KCNAB1: variants seen among roughly 807,000 people sequenced by gnomAD.
KCNAB1 encodes voltage-gated potassium channel subunit beta-1.
In KCNAB1, 35 loss-of-function variants were observed where a neutral mutation model predicts 64.6. The observed-to-expected ratio is 0.54, with a 90% CI of 0.41 to 0.72. KCNAB1 has a LOEUF of 0.72. Ranked by LOEUF, KCNAB1 falls within the 30% of genes least tolerant of loss-of-function variation. The pLI is 0.00. For synonymous variants in KCNAB1, 177 were observed against 183.8 expected (o/e 0.96, Z 0.30); for missense variants, 401 against 512.9 (o/e 0.78, Z 2.11).
At chr3:156,384,581 T>C (rs191267152) in intron 1 of KCNAB1, among the ~76,000 whole-genome samples, 2 of 152,170 alleles carry the variant, frequency 1.3e-5, no homozygotes, top group East Asian at 1.9e-4. Context: ...GAACATGAGA[T>C]ATGAGTAGAA....
intron 1 of KCNAB1, among the ~76,000 whole-genome samples, chr3:156,258,479 G>C (rs1718233823): frequency 6.6e-6 from 1 of 152,146 alleles, no homozygotes; most frequent in Non-Finnish European, 1.5e-5. Context: ...TGGGCTGCCT[G>C]ATATGCTGTT....
chr3:156,291,129 C>A (rs1720378715), intron 1 of KCNAB1: 28 of 985,428 alleles, frequency 2.8e-5, no homozygotes, highest in Non-Finnish European at 3.3e-5. Context: ...CAGCAAGAGC[C>A]TGGTGCAAGT....
intron 1 of KCNAB1, among the ~76,000 whole-genome samples, chr3:156,182,797 C>G (rs1208154045): frequency 2.7e-5 from 4 of 150,914 alleles, no homozygotes; most frequent in African/African-American, 9.7e-5. Flanking sequence ...CTCCCAGGTT[C>G]AAGTGATTAG....
chr3:156,146,118 C>T (rs62286167), intron 1 of KCNAB1, among the ~76,000 whole-genome samples: 11,505 of 151,858 alleles, frequency 0.076, 534 homozygotes, highest in East Asian at 0.17. Flanking sequence ...ATGGAGACTT[C>T]GTTTTATTTC....
intron 1 of KCNAB1, among the ~76,000 whole-genome samples, chr3:156,264,638 G>A (rs915302392): frequency 5.3e-5 from 8 of 151,822 alleles, no homozygotes; most frequent in South Asian, 2.1e-4. Flanking sequence ...TAGAAACTTC[G>A]CTCCAATATA....
intron 1 of KCNAB1, among the ~76,000 whole-genome samples, chr3:156,200,523 G>C (rs1714260730): frequency 6.6e-6 from 1 of 152,242 alleles, no homozygotes; most frequent in Admixed American, 6.5e-5. Context: ...CCTTCCCAGT[G>C]AGAAGGAATC....
intron 2 of KCNAB1, 81 bp downstream of exon 2, chr3:156,421,740 G>T: frequency 8.0e-7 from 1 of 1,246,344 alleles, no homozygotes; most frequent in Non-Finnish European, 1.2e-6. Context: ...TGTGGTCTAG[G>T]CCAGGACCTG....
At chr3:156,318,413 A>G (rs529946355) in intron 1 of KCNAB1, among the ~76,000 whole-genome samples, 40 of 152,304 alleles carry the variant, frequency 2.6e-4, no homozygotes, top group African/African-American at 8.7e-4. Context: ...AGCAGACCAC[A>G]TGCCCTATCC....
intron 2 of KCNAB1, among the ~76,000 whole-genome samples, chr3:156,442,568 T>G (rs187953725): frequency 6.6e-6 from 1 of 152,312 alleles, no homozygotes; most frequent in Admixed American, 6.5e-5. Context: ...TCTATAAGCA[T>G]CATGAGGAAC....
In KCNAB1 at chr3:156,162,052, A is replaced by G. The variant is rs149793318; in HGVS notation, c.275+41166A>G. 1.1e-4 allele frequency among the ~76,000 whole-genome samples: 17 copies of G among 152,330 alleles called. No individual in the cohort carries two copies. The East Asian group carries it at 3.3e-3, about 29-fold the overall frequency. ...ATTTTTTGGTCTTGATATTGAAAGCATTCTAAGAATTCACAAGACTTTAGA... is the reference window on the plus strand; with the variant it reads ...ATTTTTTGGTCTTGATATTGAAAGCGTTCTAAGAATTCACAAGACTTTAGA... On this transcript the variant is annotated intron_variant, in intron 1 of 13. Coordinates refer to ENST00000490337, the MANE Select transcript of KCNAB1 (RefSeq NM_172160.3).
intron 1 of KCNAB1, among the ~76,000 whole-genome samples, chr3:156,310,935 T>A (rs1252575321): frequency 6.6e-6 from 1 of 152,176 alleles, no homozygotes; most frequent in East Asian, 1.9e-4. Flanking sequence ...AGGGCCCAGA[T>A]GTGGGGAGGA....
intron 1 of KCNAB1, among the ~76,000 whole-genome samples, chr3:156,198,602 G>A (rs1345993676): frequency 7.0e-6 from 1 of 143,580 alleles, no homozygotes; most frequent in African/African-American, 2.6e-5. Context: ...CAGAGACTAC[G>A]ATTGCAAACC....
At chr3:156,377,007 C>T (rs904595517) in intron 1 of KCNAB1, among the ~76,000 whole-genome samples, 1 of 151,994 alleles carries the variant, frequency 6.6e-6, no homozygotes, top group East Asian at 1.9e-4. Context: ...AATAATTAAC[C>T]ATTGGTTTTC....
intron 1 of KCNAB1, among the ~76,000 whole-genome samples, chr3:156,207,616 C>T (rs544990234): frequency 6.2e-4 from 95 of 152,160 alleles, no homozygotes; most frequent in African/African-American, 2.0e-3. Context: ...ACTTTTATGC[C>T]GCTACATGAA....
At position 156,170,712 on chromosome 3, in the gene KCNAB1, C is replaced by T. The variant is rs572383523; in HGVS notation, c.275+49826C>T. Among the ~76,000 whole-genome samples the T allele has an allele frequency of 2.6e-5, 4 of 152,228 alleles. No individual in the cohort carries two copies. The South Asian group carries it at 6.2e-4, about 24-fold the overall frequency. On this transcript the variant is annotated intron_variant, in intron 1 of 13. Transcript: ENST00000490337. The stretch of plus-strand genomic sequence containing the variant: ...CATGCTCCAGTTAGCCATAATGCTC[C>T]CAACTTCTGTCTCATGTCATTACTT...
intron 1 of KCNAB1, among the ~76,000 whole-genome samples, chr3:156,385,299 T>TGGCCCCCAC (rs1712503746): frequency 6.6e-6 from 1 of 152,174 alleles, no homozygotes; most frequent in Non-Finnish European, 1.5e-5. Context: ...ACAGTCTCCA[T>TGGCCCCCAC]GGCCCCCACT....
intron 1 of KCNAB1, among the ~76,000 whole-genome samples, chr3:156,350,100 A>G (rs1724761593): frequency 6.6e-6 from 1 of 152,138 alleles, no homozygotes; most frequent in African/African-American, 2.4e-5. Flanking sequence ...TGTTATTTTT[A>G]TGCTGTTGTT....
intron 1 of KCNAB1, among the ~76,000 whole-genome samples, chr3:156,153,644 T>C (rs1715546649): frequency 6.6e-6 from 1 of 152,210 alleles, no homozygotes; most frequent in Non-Finnish European, 1.5e-5. Context: ...ACAAAAACGC[T>C]GACCTCTCAC....
At chr3:156,409,713 G>A (rs1714505406) in intron 1 of KCNAB1, among the ~76,000 whole-genome samples, 1 of 152,154 alleles carries the variant, frequency 6.6e-6, no homozygotes, top group Admixed American at 6.5e-5. Context: ...ACAATGCCTG[G>A]CGCTCTAGTT....
Sources: gnomAD v4.1 joint callset for allele counts (sites outside exome capture counted in the v4.1 genomes callset) on GRCh38, gnomAD v4.1.1 for gene constraint, MANE v1.5 for transcripts, NCBI Gene and HGNC (gene_info 2026-07-23, HGNC 2026-07-21) for gene names.